Variants in OSBP2 observed in about 807,000 individuals in gnomAD.
The protein encoded by OSBP2 is oxysterol-binding protein 2.
OSBP2 carries 66 observed loss-of-function variants against 96.0 expected under a neutral mutation model. The ratio of observed to expected loss-of-function variants is 0.69; its 90% CI spans 0.56 to 0.84. OSBP2 has a LOEUF of 0.84. Ranked by LOEUF, OSBP2 falls within the 40% of genes least tolerant of loss-of-function variation. OSBP2 has a pLI of 0.00. For synonymous variants in OSBP2, 525 were observed against 520.9 expected, an observed-to-expected ratio of 1.01 and a Z score of -0.11; for missense variants, 1,038 against 1,222.7, an observed-to-expected ratio of 0.85 and a Z score of 2.25.
intron 2 of OSBP2, among the ~76,000 whole-genome samples, chr22:30,853,298 G>A (rs1300020337): frequency 6.6e-6 from 1 of 152,094 alleles, no homozygotes; most frequent in African/African-American, 2.4e-5. Context: ...CTGTCACGAG[G>A]CACGTGCACA....
rs201847077 is a variant in OSBP2 at position 30,824,400 on chromosome 22, AG to A, written c.854-46023del. Among the ~76,000 whole-genome samples the A allele has an allele frequency of 6.1e-3, 923 of 152,208 alleles. 13 individuals are homozygous for A. Among genetic ancestry groups the A allele is most frequent in the African/African-American group, 0.021 (890 of 41,536 alleles). On this transcript the variant is annotated intron_variant, in intron 2 of 13. Coordinates refer to ENST00000332585, the MANE Select transcript of OSBP2 (RefSeq NM_030758.4). ...ACTCAGCTACCATGTCGGAGACCCT[AG>A]GGGGGAATACGGGAGTTTGTCCCTC... is the stretch of plus-strand genomic sequence containing the variant.
intron 1 of OSBP2, among the ~76,000 whole-genome samples, chr22:30,721,397 C>T (rs1196638572): frequency 6.6e-6 from 1 of 152,212 alleles, no homozygotes; most frequent in Non-Finnish European, 1.5e-5. Flanking sequence ...TCATTCACCA[C>T]TCTGAACCCA....
chr22:30,902,907 C>T (rs994807636), intron 12 of OSBP2: 1 of 255,016 alleles, frequency 3.9e-6, no homozygotes, highest in African/African-American at 2.3e-5. Context: ...AGTGGAAACA[C>T]AGCTTGTTGT....
intron 2 of OSBP2, among the ~76,000 whole-genome samples, chr22:30,782,082 G>T (rs1289915409): frequency 6.6e-6 from 1 of 152,134 alleles, no homozygotes; most frequent in African/African-American, 2.4e-5. Flanking sequence ...GGAGGTGGAG[G>T]TTGCAGTGAG....
chr22:30,773,443 C>T (rs184962011), intron 2 of OSBP2, among the ~76,000 whole-genome samples: 1 of 152,286 alleles, frequency 6.6e-6, no homozygotes, highest in Admixed American at 6.5e-5. Context: ...ATAGCACCCA[C>T]CCTAGTTGCA....
chr22:30,704,500 T>G (rs2145673976), intron 1 of OSBP2, among the ~76,000 whole-genome samples: 1 of 149,714 alleles, frequency 6.7e-6, no homozygotes, highest in East Asian at 2.0e-4. Flanking sequence ...AATTCCAGAT[T>G]CCCAGAAGGA....
chr22:30,902,166 G>C, intron 12 of OSBP2: 2 of 524,648 alleles, frequency 3.8e-6, no homozygotes, highest in Non-Finnish European at 6.6e-6. Flanking sequence ...AGGGTCCCAC[G>C]GCAGTACTGG....
At chr22:30,869,191 G>A (rs972084477) in intron 2 of OSBP2, among the ~76,000 whole-genome samples, 6 of 152,194 alleles carry the variant, frequency 3.9e-5, no homozygotes, top group Non-Finnish European at 7.4e-5. Flanking sequence ...GGGCAGCTGC[G>A]TGAGAGAGAG....
At chr22:30,863,976 GT>G (rs910786315) in intron 2 of OSBP2, among the ~76,000 whole-genome samples, 95 of 143,636 alleles carry the variant, frequency 6.6e-4, no homozygotes, top group Middle Eastern at 3.6e-3. Flanking sequence ...TTTTTTTGTT[GT>G]TTTTTTTTTT....
At chr22:30,768,333 G>A (rs752108707) in intron 2 of OSBP2, among the ~76,000 whole-genome samples, 8 of 152,122 alleles carry the variant, frequency 5.3e-5, no homozygotes, top group Non-Finnish European at 8.8e-5. Flanking sequence ...GGGGGTGGGG[G>A]TTCTTCTTAT....
chr22:30,889,841 C>A (rs2039904106), intron 7 of OSBP2, among the ~76,000 whole-genome samples: 1 of 152,202 alleles, frequency 6.6e-6, no homozygotes, highest in Admixed American at 6.5e-5. Context: ...TGGGCTCTGA[C>A]AGGAGGAGCC....
Position 30,890,710 on chromosome 22 carries a change from C to T in OSBP2, c.1624-18C>T, listed in dbSNP as rs756626584. ...CGGGGCTGGTGCCCAGCCTGACCAC[C>T]CACCTGTCCACCCACAGGTGAACTT... On this transcript the variant is annotated intron_variant, in intron 7 of 13. Transcript: ENST00000332585. This position sits in a 1 kb window ranked among gnomAD's most constrained non-coding sequence, Gnocchi z 4.4. The T allele has an allele frequency of 7.5e-6, 12 of 1,608,932 alleles. No homozygotes were observed. The highest frequency in any genetic ancestry group is 1.0e-5 in the Non-Finnish European group (12 of 1,178,722).
chr22:30,830,442 G>A (rs968121480), intron 2 of OSBP2, among the ~76,000 whole-genome samples: 1 of 152,202 alleles, frequency 6.6e-6, no homozygotes, highest in Non-Finnish European at 1.5e-5. Flanking sequence ...TCAGCCTTTC[G>A]GCCATAGGTG....
chr22:30,758,348 C>T (rs1271616308), intron 2 of OSBP2, among the ~76,000 whole-genome samples: 2 of 152,110 alleles, frequency 1.3e-5, no homozygotes, highest in Non-Finnish European at 2.9e-5. Context: ...TTGCAGTGAG[C>T]CGAGATGGCA....
At chr22:30,835,703 C>T (rs1048699001) in intron 2 of OSBP2, among the ~76,000 whole-genome samples, 13 of 149,556 alleles carry the variant, frequency 8.7e-5, no homozygotes, top group African/African-American at 2.9e-4. Context: ...GTAAATGATA[C>T]GAAATATGTA....
At chr22:30,698,902 C>G (rs1031248630) in intron 1 of OSBP2, among the ~76,000 whole-genome samples, 2 of 152,024 alleles carry the variant, frequency 1.3e-5, no homozygotes, top group Non-Finnish European at 2.9e-5. Flanking sequence ...TTAATTTTAT[C>G]TCATCTAGGT....
intron 2 of OSBP2, among the ~76,000 whole-genome samples, chr22:30,832,615 C>T (rs1159722367): frequency 6.6e-6 from 1 of 152,154 alleles, no homozygotes; most frequent in African/African-American, 2.4e-5. Flanking sequence ...TGCAGATAGC[C>T]GCTCACAGTT....
At chr22:30,839,974 A>C (rs1267386140) in intron 2 of OSBP2, among the ~76,000 whole-genome samples, 10 of 150,276 alleles carry the variant, frequency 6.7e-5, no homozygotes, top group Non-Finnish European at 1.5e-5. Context: ...TTATGGTTTT[A>C]GGTCTAACGT....
At chr22:30,804,846 C>G (rs2090904969) in intron 2 of OSBP2, among the ~76,000 whole-genome samples, 1 of 152,158 alleles carries the variant, frequency 6.6e-6, no homozygotes, top group African/African-American at 2.4e-5. Flanking sequence ...TTCTTGCTGA[C>G]TTGTTTCATA....
Sources: gnomAD v4.1 joint callset for allele counts (sites outside exome capture counted in the v4.1 genomes callset) on GRCh38, gnomAD v4.1.1 for gene constraint, Gnocchi (gnomAD v3.1) non-coding constraint, MANE v1.5 for transcripts, NCBI Gene and HGNC (gene_info 2026-07-23, HGNC 2026-07-21) for gene names.